The following LHFPL3 variants were observed in gnomAD, a reference collection of about 807,000 sequenced individuals.
LHFPL3 encodes LHFPL tetraspan subfamily member 3 protein.
In LHFPL3, 5 loss-of-function variants were observed where a neutral mutation model predicts 19.3. That is an observed-to-expected ratio of 0.26 (90% CI 0.14 to 0.54). LHFPL3 has a LOEUF of 0.54. Ranked by LOEUF, LHFPL3 falls within the 20% of genes least tolerant of loss-of-function variation. LHFPL3 has a pLI of 0.94. For synonymous variants in LHFPL3, 133 were observed against 126.2 expected (o/e 1.05, Z -0.36); for missense variants, 249 against 307.4 (o/e 0.81, Z 1.42).
intron 1 of LHFPL3, among the ~76,000 whole-genome samples, chr7:104,520,956 T>G (rs41065): frequency 0.56 from 81,927 of 145,734 alleles, 23,232 homozygotes; most frequent in Middle Eastern, 0.63. Flanking sequence ...CTTCAGTTCT[T>G]CTCTGATTTT....
chr7:104,640,334 A>G (rs1456170287), intron 1 of LHFPL3, among the ~76,000 whole-genome samples: 4 of 151,958 alleles, frequency 2.6e-5, no homozygotes, highest in African/African-American at 9.7e-5. Context: ...ACGTGTTTTC[A>G]TTGTTCAGCT....
At chr7:104,491,618 T>C (rs1793354256) in intron 1 of LHFPL3, among the ~76,000 whole-genome samples, 1 of 152,134 alleles carries the variant, frequency 6.6e-6, no homozygotes, top group African/African-American at 2.4e-5. Context: ...TGAGAGCTGA[T>C]TGACCAGCCA....
chr7:104,650,440 TC>T, intron 1 of LHFPL3, among the ~76,000 whole-genome samples: 2 of 152,198 alleles, frequency 1.3e-5, no homozygotes, highest in Non-Finnish European at 2.9e-5. Flanking sequence ...TAGCGAGCAG[TC>T]CCTTCAGGTG....
intron 1 of LHFPL3, among the ~76,000 whole-genome samples, chr7:104,363,442 A>G (rs913172883): frequency 4.6e-5 from 7 of 152,234 alleles, no homozygotes; most frequent in African/African-American, 1.7e-4. Context: ...AATTCCTCAA[A>G]TCTCAGTAGT....
rs549937847 is a variant in LHFPL3, at chr7:104,619,887, C to T, written c.446-116788C>T. Among the ~76,000 whole-genome samples, 75 of 152,170 alleles carry T rather than the reference C, an allele frequency of 4.9e-4. No individual in the cohort carries two copies. In the South Asian group the frequency reaches 0.015, roughly 30 times the overall value. On this transcript the variant is annotated intron_variant, in intron 1 of 2. Transcript: ENST00000424859. The stretch of plus-strand genomic sequence containing the variant: ...GGGCAGCAGGGGGCGGGAATGGTTT[C>T]GGGATGAACTGTTCCACCTCAGATC...
rs117279663 is a variant in LHFPL3, at chr7:104,430,759, C to T, written c.445+101535C>T. 3.8e-4 allele frequency among the ~76,000 whole-genome samples: 58 copies of T among 151,898 alleles called. No homozygotes were observed. The East Asian group carries it at 9.0e-3, about 24-fold the overall frequency. On this transcript the variant is annotated intron_variant, in intron 1 of 2. Transcript: ENST00000424859. ...CTGAGATTACAGGCATGAGCCACTG[C>T]GCCCGGCCCTTCTGTGGGCTGATTT...
At chr7:104,622,400 A>G in intron 1 of LHFPL3, among the ~76,000 whole-genome samples, 1 of 152,234 alleles carries the variant, frequency 6.6e-6, no homozygotes, top group South Asian at 2.1e-4. Flanking sequence ...GATGTGAGCC[A>G]CTGCTCCCAG....
chr7:104,367,384 A>G (rs1790514577), intron 1 of LHFPL3, among the ~76,000 whole-genome samples: 1 of 152,188 alleles, frequency 6.6e-6, no homozygotes, highest in African/African-American at 2.4e-5. Context: ...CTTGTAACCT[A>G]TGTCGTCAAC....
intron 1 of LHFPL3, among the ~76,000 whole-genome samples, chr7:104,614,780 T>G (rs1791301118): frequency 6.6e-6 from 1 of 150,658 alleles, no homozygotes; most frequent in Non-Finnish European, 1.5e-5. Flanking sequence ...AGATAGGGTC[T>G]CACTTTGTCA....
At chr7:104,721,318 C>T (rs905319351) in intron 1 of LHFPL3, among the ~76,000 whole-genome samples, 4 of 152,124 alleles carry the variant, frequency 2.6e-5, no homozygotes, top group Non-Finnish European at 5.9e-5. Flanking sequence ...TGCTCTCCCT[C>T]ATAGGTGGGA....
intron 1 of LHFPL3, among the ~76,000 whole-genome samples, chr7:104,390,847 T>G (rs1325614301): frequency 6.6e-6 from 1 of 152,200 alleles, no homozygotes; most frequent in Non-Finnish European, 1.5e-5. Context: ...CAGCACTTGT[T>G]GTTTCCTGAC....
intron 2 of LHFPL3, among the ~76,000 whole-genome samples, chr7:104,833,041 A>AT (rs1198175943): frequency 0.016 from 91 of 5,630 alleles, 6 homozygotes; most frequent in East Asian, 0.036. Flanking sequence ...TTATATATAT[A>AT]TATTATATAT....
chr7:104,385,663 AATTT>A (rs200415516), intron 1 of LHFPL3, among the ~76,000 whole-genome samples: 140 of 101,680 alleles, frequency 1.4e-3, no homozygotes, highest in African/African-American at 3.3e-3. Flanking sequence ...TACTCATGGC[AATTT>A]ATTCATTCAT....
intron 1 of LHFPL3, among the ~76,000 whole-genome samples, chr7:104,561,577 T>A (rs1790004614): frequency 6.6e-6 from 1 of 152,132 alleles, no homozygotes; most frequent in Non-Finnish European, 1.5e-5. Context: ...TATGTGTGTC[T>A]CTGCATGTGA....
chr7:104,468,763 A>G (rs555486009), intron 1 of LHFPL3, among the ~76,000 whole-genome samples: 38 of 151,424 alleles, frequency 2.5e-4, no homozygotes, highest in Non-Finnish European at 5.0e-4. Context: ...GGTTCAAGCA[A>G]TTCTCCTGCC....
At chr7:104,584,842 G>C (rs1262258661) in intron 1 of LHFPL3, among the ~76,000 whole-genome samples, 1 of 152,176 alleles carries the variant, frequency 6.6e-6, no homozygotes, top group South Asian at 2.1e-4. Flanking sequence ...GTAAACAGAA[G>C]TCAGCATGGT....
intron 1 of LHFPL3, among the ~76,000 whole-genome samples, chr7:104,478,716 C>A (rs1170003376): frequency 6.6e-6 from 1 of 152,156 alleles, no homozygotes; most frequent in African/African-American, 2.4e-5. Context: ...TACTTAATGG[C>A]TACTAATCAA....
chr7:104,873,680 A>G (rs922532564), intron 2 of LHFPL3, among the ~76,000 whole-genome samples: 12 of 152,180 alleles, frequency 7.9e-5, no homozygotes, highest in Admixed American at 3.9e-4. Flanking sequence ...TTAAACTCTG[A>G]TTTTTAACAA....
chr7:104,777,273 T>C (rs1275985913), intron 2 of LHFPL3, among the ~76,000 whole-genome samples: 2 of 152,250 alleles, frequency 1.3e-5, no homozygotes, highest in African/African-American at 4.8e-5. Context: ...TGGTTTTTGA[T>C]GGGTCCCTGC....
Sources: allele counts gnomAD v4.1 joint callset (sites outside exome capture counted in the v4.1 genomes callset), GRCh38; gene constraint gnomAD v4.1.1; transcripts MANE v1.5; gene names NCBI Gene and HGNC (gene_info 2026-07-23, HGNC 2026-07-21).